The following ARNT2 variants were observed in gnomAD, a reference collection of about 807,000 sequenced individuals.
ARNT2 encodes ARNT protein 2.
A neutral mutation model predicts 91.7 loss-of-function variants in ARNT2; 36 were observed. That is an observed-to-expected ratio of 0.39 (90% CI 0.30 to 0.52). ARNT2 has a LOEUF of 0.52. ARNT2 is among the 20% of genes least tolerant of loss of function. The pLI is 0.72. For synonymous variants in ARNT2, 365 were observed against 347.1 expected (o/e 1.05, Z -0.57); for missense variants, 775 against 939.3 (o/e 0.83, Z 2.29).
At chr15:80,524,427 A>T (rs948545175) in intron 8 of ARNT2, among the ~76,000 whole-genome samples, 1 of 152,214 alleles carries the variant, frequency 6.6e-6, no homozygotes, top group African/African-American at 2.4e-5. Flanking sequence ...TTAATCAGAG[A>T]TGTGTGCATG....
intron 11 of ARNT2, among the ~76,000 whole-genome samples, chr15:80,561,707 C>A (rs147774611): frequency 7.4e-4 from 113 of 152,250 alleles, no homozygotes; most frequent in African/African-American, 2.6e-3. Context: ...GAATGTGAAT[C>A]CTCCCTTTGG....
rs1251344033 is a variant in ARNT2, at chr15:80,594,900, A to C, written c.*1202A>C. ...AGCAGCTCTGGGAGGCACAGAGTGCAGGTCTCAGGGGCAGAAGACATGGGT... is the reference window on the plus strand; with the variant it reads ...AGCAGCTCTGGGAGGCACAGAGTGCCGGTCTCAGGGGCAGAAGACATGGGT... On this transcript the variant is annotated 3_prime_UTR_variant, in exon 19 of 19. Coordinates refer to ENST00000303329, the MANE Select transcript of ARNT2 (RefSeq NM_014862.4). 6.6e-6 allele frequency: 1 copy of C among 152,198 alleles called. No homozygotes were observed. The highest frequency in any genetic ancestry group is 1.9e-4 in the East Asian group (1 of 5,188). The allele number at this position is 152,198 out of a possible 1,614,324, so 9.4% of individuals were successfully genotyped here. A position where few individuals can be genotyped will look rare whatever the true frequency, so the allele number is the denominator to read the frequency against.
In ARNT2 at chr15:80,597,205, G is replaced by A. The variant is rs1567011992; in HGVS notation, c.*3507G>A. 2 of 518,426 alleles carry A rather than the reference G, an allele frequency of 3.9e-6. No homozygotes were observed. Among genetic ancestry groups the A allele is most frequent in the Non-Finnish European group, 7.7e-6 (2 of 259,812 alleles). 32.1% of individuals were successfully genotyped at this position (518,426 alleles called of 1,614,324 possible). On this transcript the variant is annotated 3_prime_UTR_variant, in exon 19 of 19. Transcript: ENST00000303329. Reference sequence around the variant, plus strand: ...AGAAACCAGTCCCAGGGAATGAATGGTGGTCTCCCCACTCCCGGCAGCACT... The same window carrying A: ...AGAAACCAGTCCCAGGGAATGAATGATGGTCTCCCCACTCCCGGCAGCACT...
At chr15:80,421,948 C>T (rs765077136) in intron 1 of ARNT2, among the ~76,000 whole-genome samples, 9 of 151,978 alleles carry the variant, frequency 5.9e-5, no homozygotes, top group Non-Finnish European at 1.0e-4. Context: ...AAAGCATGGA[C>T]GAATTAAATA....
At chr15:80,480,756 A>G (rs1896873107) in intron 5 of ARNT2, among the ~76,000 whole-genome samples, 1 of 150,644 alleles carries the variant, frequency 6.6e-6, no homozygotes, top group Non-Finnish European at 1.5e-5. Flanking sequence ...TCCTCTCCCC[A>G]TCCTTCCTGC....
intron 14 of ARNT2, among the ~76,000 whole-genome samples, chr15:80,575,398 A>C (rs1267949655): frequency 6.6e-6 from 1 of 152,130 alleles, no homozygotes. Context: ...TAGAAATTTG[A>C]AGATTCTGGG....
chr15:80,426,581 G>A (rs777656494), intron 1 of ARNT2, among the ~76,000 whole-genome samples: 6 of 152,198 alleles, frequency 3.9e-5, no homozygotes, highest in Admixed American at 1.3e-4. Flanking sequence ...ATGCAAGGCC[G>A]TGATTGTTTG....
At chr15:80,477,860 A>G (rs953024500) in intron 5 of ARNT2, among the ~76,000 whole-genome samples, 4 of 152,226 alleles carry the variant, frequency 2.6e-5, no homozygotes, top group African/African-American at 4.8e-5. Context: ...TGTTGCTAAA[A>G]GTGAGAAGTG....
chr15:80,478,718 AAGAGCTCTC>A (rs1896843632), intron 5 of ARNT2, among the ~76,000 whole-genome samples: 1 of 152,320 alleles, frequency 6.6e-6, no homozygotes, highest in South Asian at 2.1e-4. Context: ...GAGAGCTTGG[AAGAGCTCTC>A]TGAAACTGGG....
rs558725025 is a variant in ARNT2 at position 80,553,034 on chromosome 15, A to C, written c.1089+260A>C. Among the ~76,000 whole-genome samples the C allele has an allele frequency of 3.3e-5, 5 of 152,360 alleles. No homozygotes were observed. In the South Asian group the frequency reaches 1.0e-3, roughly 32 times the overall value. On this transcript the variant is annotated intron_variant, in intron 10 of 18. Coordinates refer to ENST00000303329, the MANE Select transcript of ARNT2 (RefSeq NM_014862.4). ...AGTTGATTTTTCACAAACTGGAATT[A>C]AGATGTTCTATTAATAGGGGATCTC...
At chr15:80,484,416 C>G (rs1196660425) in intron 5 of ARNT2, among the ~76,000 whole-genome samples, 3 of 152,168 alleles carry the variant, frequency 2.0e-5, no homozygotes, top group Admixed American at 1.3e-4. Context: ...CTGAGAATTG[C>G]TGGCTGGTTG....
chr15:80,419,852 G>A (rs34675881), intron 1 of ARNT2, among the ~76,000 whole-genome samples: 27,559 of 152,132 alleles, frequency 0.18, 2,769 homozygotes, highest in Middle Eastern at 0.26. Context: ...CAGCAGGTCA[G>A]CCTTAAACAG....
intron 15 of ARNT2, 54 bp downstream of exon 15, chr15:80,577,019 A>G: frequency 1.3e-6 from 2 of 1,559,482 alleles, no homozygotes; most frequent in Non-Finnish European, 1.8e-6. Context: ...TCACCAAGAA[A>G]GCCCTGGGTC....
intron 1 of ARNT2, among the ~76,000 whole-genome samples, chr15:80,419,508 G>A (rs1021047973): frequency 2.0e-5 from 3 of 152,192 alleles, no homozygotes; most frequent in Non-Finnish European, 4.4e-5. Context: ...GGGTGATCTG[G>A]AGGGAGAAGG....
Position 80,597,058 on chromosome 15 carries a change from A to C in ARNT2, c.*3360A>C. 2 of 477,716 alleles carry C rather than the reference A, an allele frequency of 4.2e-6. No homozygotes were observed. The highest frequency in any genetic ancestry group is 3.1e-5 in the South Asian group (2 of 64,294). 29.6% of individuals were successfully genotyped at this position (477,716 alleles called of 1,614,324 possible). A position where few individuals can be genotyped will look rare whatever the true frequency, so the allele number is the denominator to read the frequency against. ...CGTGAATGTTGCAGAGAGTGGGGGG[A>C]TTCTGGTTGTTAAGGAACTTACACT... On this transcript the variant is annotated 3_prime_UTR_variant, in exon 19 of 19. Transcript: ENST00000303329.
rs1287318010 is a variant in ARNT2 at position 80,458,289 on chromosome 15, A to G, written c.194+313A>G. On this transcript the variant is annotated intron_variant, in intron 3 of 18. Transcript: ENST00000303329. ...TTAAAAAGTATTTTTAAAAATTCCT[A>G]TGTCTTTTAAAAAGGAATCTATTAA... is the stretch of plus-strand genomic sequence containing the variant. Among the ~76,000 whole-genome samples the G allele has an allele frequency of 6.6e-5, 10 of 152,182 alleles. No individual in the cohort carries two copies. In the East Asian group the frequency reaches 1.3e-3, roughly 21 times the overall value.
At chr15:80,578,493 C>T (rs139907499) in intron 15 of ARNT2, among the ~76,000 whole-genome samples, 8 of 151,064 alleles carry the variant, frequency 5.3e-5, no homozygotes, top group African/African-American at 9.7e-5. Flanking sequence ...CAGCAGCAGC[C>T]GTGGGGACCA....
chr15:80,463,574 CCT>C (rs778163182), intron 3 of ARNT2, among the ~76,000 whole-genome samples: 2 of 81,132 alleles, frequency 2.5e-5, no homozygotes, highest in Non-Finnish European at 2.3e-5. Flanking sequence ...TGGGTGATTT[CCT>C]TTTTTTTTTT....
chr15:80,457,232 A>G (rs1454987640), intron 2 of ARNT2, among the ~76,000 whole-genome samples: 12 of 152,212 alleles, frequency 7.9e-5, no homozygotes, highest in African/African-American at 2.9e-4. Flanking sequence ...GAGGCCCAGT[A>G]AAGGGTGAAT....
Sources: allele counts gnomAD v4.1 joint callset (sites outside exome capture counted in the v4.1 genomes callset), GRCh38; gene constraint gnomAD v4.1.1; transcripts MANE v1.5; gene names NCBI Gene and HGNC (gene_info 2026-07-23, HGNC 2026-07-21).